The following ANKRD30B variants were observed in gnomAD, a reference collection of about 807,000 sequenced individuals.
ANKRD30B encodes the protein ankyrin repeat domain-containing protein 30B.
Under a neutral mutation model 202.2 loss-of-function variants are expected in ANKRD30B, and 144 were observed. The ratio of observed to expected loss-of-function variants is 0.71; its 90% CI spans 0.62 to 0.82. The LOEUF is 0.82. Ranked by LOEUF, ANKRD30B falls within the 40% of genes least tolerant of loss-of-function variation. The pLI, the probability that ANKRD30B is intolerant of heterozygous loss-of-function variation, is 0.00. For synonymous variants in ANKRD30B, 508 were observed against 561.3 expected, an observed-to-expected ratio of 0.91 and a Z score of 1.34; for missense variants, 1,487 against 1,669.1, an observed-to-expected ratio of 0.89 and a Z score of 1.90.
chr18:14,767,274 G>A (rs763290807), intron 7 of ANKRD30B, among the ~76,000 whole-genome samples: 4 of 152,062 alleles, frequency 2.6e-5, no homozygotes, highest in Admixed American at 2.6e-4. Context: ...TTATCCATGG[G>A]GGGTATTTTC....
the ANKRD30B span, among the ~76,000 whole-genome samples, chr18:14,926,356 C>G: frequency 3.3e-5 from 5 of 152,224 alleles, no homozygotes; most frequent in African/African-American, 9.6e-5. Flanking sequence ...GTCATCTCCT[C>G]CCTCAGAACT....
intron 15 of ANKRD30B, among the ~76,000 whole-genome samples, chr18:14,788,388 T>C (rs960952541): frequency 6.6e-6 from 1 of 152,154 alleles, no homozygotes; most frequent in African/African-American, 2.4e-5. Flanking sequence ...GAGGTTTTCT[T>C]TTATTTTCTT....
At position 14,821,779 on chromosome 18, in the gene ANKRD30B, A is replaced by G. The variant is rs569228973; in HGVS notation, c.2642-704A>G. ...GGACTGTATTAGTTTGTTGATGGGT[A>G]TGCTTTGACTTTTCTGTATAAGTGG... On this transcript the variant is annotated intron_variant, in intron 30 of 43. Coordinates refer to ENST00000690538, the MANE Select transcript of ANKRD30B (RefSeq NM_001367607.2). 3.7e-4 allele frequency among the ~76,000 whole-genome samples: 57 copies of G among 152,338 alleles called. No individual in the cohort carries two copies. In the East Asian group the frequency reaches 8.3e-3, roughly 22 times the overall value.
At chr18:14,932,110 G>T in the ANKRD30B span, among the ~76,000 whole-genome samples, 7 of 140,454 alleles carry the variant, frequency 5.0e-5, no homozygotes, top group East Asian at 1.5e-3. Flanking sequence ...TTTTCTTCAG[G>T]GTACATTTCA....
At chr18:14,817,499 T>C (rs2066253059) in intron 30 of ANKRD30B, among the ~76,000 whole-genome samples, 1 of 152,212 alleles carries the variant, frequency 6.6e-6, no homozygotes, top group Non-Finnish European at 1.5e-5. Flanking sequence ...GATTCCTAAA[T>C]GCCAAGTGAT....
At chr18:14,860,007 G>C in the ANKRD30B span, among the ~76,000 whole-genome samples, 1 of 143,090 alleles carries the variant, frequency 7.0e-6, no homozygotes, top group Non-Finnish European at 1.5e-5. Context: ...AGACAGGGTG[G>C]GAGCTGGGCA....
At chr18:14,879,395 A>G in the ANKRD30B span, among the ~76,000 whole-genome samples, 1 of 152,196 alleles carries the variant, frequency 6.6e-6, no homozygotes, top group African/African-American at 2.4e-5. Context: ...CCCATCGCTC[A>G]TATAACAAGC....
the ANKRD30B span, among the ~76,000 whole-genome samples, chr18:14,909,553 G>A: frequency 1.1e-4 from 16 of 152,062 alleles, no homozygotes; most frequent in South Asian, 4.2e-4. Context: ...GGTTACAGGC[G>A]CGCACCACCA....
the ANKRD30B span, among the ~76,000 whole-genome samples, chr18:14,932,405 C>T: frequency 6.6e-6 from 1 of 152,058 alleles, no homozygotes; most frequent in Non-Finnish European, 1.5e-5. Context: ...GGCGCGATCT[C>T]GGCTCACTGC....
At chr18:14,879,036 C>T in the ANKRD30B span, among the ~76,000 whole-genome samples, 1 of 151,988 alleles carries the variant, frequency 6.6e-6, no homozygotes, top group African/African-American at 2.4e-5. Context: ...CCGGGGGCAC[C>T]GCGAGGGTGC....
chr18:14,865,850 G>C, the ANKRD30B span, among the ~76,000 whole-genome samples: 1 of 152,110 alleles, frequency 6.6e-6, no homozygotes, highest in Non-Finnish European at 1.5e-5. Flanking sequence ...CCTCTAAGCC[G>C]GGCTCAGAGC....
At chr18:14,766,932 C>A (rs1916325020) in intron 7 of ANKRD30B, among the ~76,000 whole-genome samples, 1 of 152,170 alleles carries the variant, frequency 6.6e-6, no homozygotes, top group African/African-American at 2.4e-5. Context: ...CTTACAAGTT[C>A]TTCAGTGGTA....
rs12457503 is a variant in ANKRD30B at position 14,752,958 on chromosome 18, G to A, written c.456G>A (p.Leu152=). Residue 152 remains leucine (L), a synonymous_variant, in exon 3 of 44, where the codon TTG becomes TTA. Coordinates refer to ENST00000690538, the MANE Select transcript of ANKRD30B (RefSeq NM_001367607.2). ...ATTATGCCGTTTATAGTGAGAATTTGTTAATGGTGGCAACACTGCTGTCCT... is the reference window on the plus strand; with the variant it reads ...ATTATGCCGTTTATAGTGAGAATTTATTAATGGTGGCAACACTGCTGTCCT... The part of the protein sequence containing the change: ...ALHYAVYSEN[L]LMVATLLSYG... 772,288 of 1,601,044 alleles carry A rather than the reference G, an allele frequency of 0.48. 187,214 individuals are homozygous for A. Among genetic ancestry groups the A allele is most frequent in the East Asian group, 0.58 (25,615 of 44,000 alleles).
At chr18:14,803,606 C>A in intron 23 of ANKRD30B, 128 bp from the exon 24 acceptor site, 4 of 1,185,570 alleles carry the variant, frequency 3.4e-6, no homozygotes, top group Non-Finnish European at 4.8e-6. Flanking sequence ...CACATGTCTG[C>A]TCTTAAGTCG....
chr18:14,870,385 C>T, the ANKRD30B span, among the ~76,000 whole-genome samples: 9 of 152,364 alleles, frequency 5.9e-5, no homozygotes, highest in East Asian at 1.7e-3. Flanking sequence ...TGCCCTCCAC[C>T]AGCACTGAGG....
chr18:14,757,359 G>A (rs1481360813), intron 4 of ANKRD30B, among the ~76,000 whole-genome samples: 1 of 152,144 alleles, frequency 6.6e-6, no homozygotes, highest in East Asian at 1.9e-4. Context: ...AATATCAACA[G>A]CATTTAATTC....
chr18:14,922,654 C>CAAA, the ANKRD30B span, among the ~76,000 whole-genome samples: 59 of 104,836 alleles, frequency 5.6e-4, no homozygotes, highest in African/African-American at 1.8e-3. Context: ...GACTCCGTCT[C>CAAA]AAAAAAAAAA....
chr18:14,908,807 G>A, the ANKRD30B span, among the ~76,000 whole-genome samples: 1 of 152,186 alleles, frequency 6.6e-6, no homozygotes, highest in African/African-American at 2.4e-5. Context: ...AGCTTCCAGG[G>A]CTCCTGAGGG....
the ANKRD30B span, chr18:14,883,618 A>G: frequency 1.0e-4 from 15 of 149,282 alleles, no homozygotes; most frequent in African/African-American, 3.5e-4. Flanking sequence ...GCCCAGAGGA[A>G]TTCCAGCTGG....
Sources: gnomAD v4.1 joint callset for allele counts (sites outside exome capture counted in the v4.1 genomes callset) on GRCh38, gnomAD v4.1.1 for gene constraint, MANE v1.5 for transcripts, NCBI Gene and HGNC (gene_info 2026-07-23, HGNC 2026-07-21) for gene names.